The following SLC46A3 variants were observed in gnomAD, a reference collection of about 807,000 sequenced individuals.
The protein encoded by SLC46A3 is solute carrier family 46 member 3.
In SLC46A3, 26 loss-of-function variants were observed where a neutral mutation model predicts 38.5. That is an observed-to-expected ratio of 0.68 (90% CI 0.49 to 0.94). SLC46A3 has a LOEUF of 0.94. Ranked by LOEUF, SLC46A3 falls within the 40% of genes least tolerant of loss-of-function variation. SLC46A3 has a pLI of 0.00. For missense variants in SLC46A3, 510 were observed against 544.3 expected (o/e 0.94, Z 0.63); for synonymous variants, 185 against 192.5 (o/e 0.96, Z 0.32).
chr13:28,708,651 G>T (rs893180298), intron 4 of SLC46A3, among the ~76,000 whole-genome samples: 11 of 147,428 alleles, frequency 7.5e-5, no homozygotes, highest in African/African-American at 2.8e-4. Context: ...AGTAGAGACG[G>T]GGTTTCACCA....
At chr13:28,704,930 A>G (rs1394050266) in intron 4 of SLC46A3, among the ~76,000 whole-genome samples, 1 of 152,186 alleles carries the variant, frequency 6.6e-6, no homozygotes, top group Non-Finnish European at 1.5e-5. Context: ...TGAAGTCTGC[A>G]TGGTCAGTGC....
chr13:28,702,152 C>A (rs972275096), intron 5 of SLC46A3, among the ~76,000 whole-genome samples: 10 of 133,670 alleles, frequency 7.5e-5, no homozygotes, highest in African/African-American at 2.3e-4. Flanking sequence ...TTAAAAAAAT[C>A]TGTTTTTTTT....
In SLC46A3 at chr13:28,714,686, T is replaced by A. The variant is rs142439138; in HGVS notation, c.190-1136A>T. On this transcript the variant is annotated intron_variant, in intron 2 of 5. Coordinates refer to ENST00000266943, the MANE Select transcript of SLC46A3 (RefSeq NM_181785.4). Reference sequence around the variant, plus strand: ...ATTGCTTGAACCTGGGAGGCAGAGGTTGCAATGAGCTGAGATTGTGCCATT... The same window carrying A: ...ATTGCTTGAACCTGGGAGGCAGAGGATGCAATGAGCTGAGATTGTGCCATT... 8.2e-4 allele frequency among the ~76,000 whole-genome samples: 125 copies of A among 152,278 alleles called. 4 individuals carry two copies. The East Asian group carries it at 0.024, about 29-fold the overall frequency.
intron 3 of SLC46A3, 127 bp downstream of exon 3, chr13:28,712,553 C>T: frequency 2.1e-6 from 2 of 930,424 alleles, no homozygotes; most frequent in Non-Finnish European, 2.9e-6. Context: ...CTAGTTATTA[C>T]CCTTTAATTG....
chr13:28,700,777 A>G lies in SLC46A3; in HGVS notation c.*720T>C, dbSNP rs555345635. ...TTTTTCCCAATTACCCATTACATAT[A>G]GAAATATTATCATGCCTGTCACCGA... On this transcript the variant is annotated 3_prime_UTR_variant, in exon 6 of 6. Coordinates refer to ENST00000266943, the MANE Select transcript of SLC46A3 (RefSeq NM_181785.4). The G allele has an allele frequency of 1.5e-4, 79 of 537,898 alleles. No homozygotes were observed. The highest frequency in any genetic ancestry group is 1.5e-3 in the African/African-American group (77 of 52,466). The allele number at this position is 537,898 out of a possible 1,614,324, so 33.3% of individuals were successfully genotyped here.
Position 28,714,156 on chromosome 13 carries a change from A to T in SLC46A3, c.190-606T>A, listed in dbSNP as rs76617547. On this transcript the variant is annotated intron_variant, in intron 2 of 5. Transcript: ENST00000266943. ...CCAAAAAATACAAAAAAAAAAAAAA[A>T]AAACCTTTATTTAGGGAGAGCTTGG... is the stretch of plus-strand genomic sequence containing the variant. Among the ~76,000 whole-genome samples the T allele has an allele frequency of 2.0e-3, 270 of 136,438 alleles. 2 individuals are homozygous for T. The highest frequency in any genetic ancestry group is 3.8e-3 in the Middle Eastern group (1 of 262). The allele number at this position is 136,438 out of a possible 152,430, so 89.5% of individuals were successfully genotyped here.
Position 28,712,769 on chromosome 13 carries a change from T to C in SLC46A3, c.971A>G (p.Asp324Gly). 3.1e-6 allele frequency: 5 copies of C among 1,613,016 alleles called. No individual in the cohort carries two copies. Among genetic ancestry groups the C allele is most frequent in the Non-Finnish European group, 4.2e-6 (5 of 1,179,746 alleles). Residue 324 changes from aspartate to glycine, a missense_variant, in exon 3 of 6, where the codon GAT becomes GGT. Asp to Gly is a moderately conservative substitution (Grantham distance 94, BLOSUM62 -1). Transcript: ENST00000266943. ...AATCCCAATGAAGGCCATATGAATA[T>C]CTTCCATACAATAAGAAAAAAGCCA... ...GIWLFSYCMEDIHMAFIGIFT... is the reference protein window; with the variant it reads ...GIWLFSYCMEGIHMAFIGIFT...
In SLC46A3 at chr13:28,713,387, AGCCAAAC is replaced by A; in HGVS notation, c.346_352del (p.Val116SerfsTer14). ...AAAGGCAAAATAGCAAAGCAAACAG[AGCCAAAC>A]GCTGGTTGCAAGAGCACCAACGGAA... On this transcript the variant is annotated frameshift_variant, in exon 3 of 6. Transcript: ENST00000266943. LOFTEE classifies it high-confidence loss of function. 2.5e-6 allele frequency: 4 copies of A among 1,614,106 alleles called. No homozygotes were observed. Among genetic ancestry groups the A allele is most frequent in the Non-Finnish European group, 3.4e-6 (4 of 1,180,032 alleles).
At position 28,700,784 on chromosome 13, in the gene SLC46A3, T is replaced by C. The variant is rs1593182816; in HGVS notation, c.*713A>G. The C allele has an allele frequency of 1.8e-6, 1 of 545,996 alleles. No individual in the cohort carries two copies. Among genetic ancestry groups the C allele is most frequent in the East Asian group, 3.0e-5 (1 of 33,392 alleles). The allele number at this position is 545,996 out of a possible 1,614,324, so 33.8% of individuals were successfully genotyped here. A position where few individuals can be genotyped will look rare whatever the true frequency, so the allele number is the denominator to read the frequency against. On this transcript the variant is annotated 3_prime_UTR_variant, in exon 6 of 6. Transcript: ENST00000266943. ...CAATTACCCATTACATATAGAAATA[T>C]TATCATGCCTGTCACCGATGAAACA...
Position 28,700,909 on chromosome 13 carries a change from G to A in SLC46A3, c.*588C>T. 1 of 1,448,970 alleles carries A rather than the reference G, an allele frequency of 6.9e-7. No homozygotes were observed. The highest frequency in any genetic ancestry group is 9.5e-7 in the Non-Finnish European group (1 of 1,056,750). The allele number at this position is 1,448,970 out of a possible 1,614,324, so 89.8% of individuals were successfully genotyped here. A position where few individuals can be genotyped will look rare whatever the true frequency, so the allele number is the denominator to read the frequency against. On this transcript the variant is annotated 3_prime_UTR_variant, in exon 6 of 6. Transcript: ENST00000266943. ...TTGTGGAATTCATGTATAGTCTTCA[G>A]AAGTCACAGTATATAAGCTCCGACT...
In SLC46A3 at chr13:28,713,154, A is replaced by G; in HGVS notation, c.586T>C (p.Phe196Leu). The G allele has an allele frequency of 6.2e-7, 1 of 1,614,118 alleles. No homozygotes were observed. The highest frequency in any genetic ancestry group is 1.1e-5 in the South Asian group (1 of 91,068). Residue 196 changes from phenylalanine to leucine, a missense_variant, in exon 3 of 6, where the codon TTT (phenylalanine) becomes CTT (leucine). By Grantham distance (22) the Phe-to-Leu change is conservative. Coordinates refer to ENST00000266943, the MANE Select transcript of SLC46A3 (RefSeq NM_181785.4). ...GCAATAATTAGAAACGACCACTCAAAACCTAGCTCTCTAATAAAATAGCCA... is the reference window on the plus strand; with the variant it reads ...GCAATAATTAGAAACGACCACTCAAGACCTAGCTCTCTAATAAAATAGCCA... ...SSGYFIRELG[F>L]EWSFLIIAVS...
At position 28,701,289 on chromosome 13, in the gene SLC46A3, T is replaced by G; in HGVS notation, c.*208A>C. On this transcript the variant is annotated 3_prime_UTR_variant, in exon 6 of 6. Coordinates refer to ENST00000266943, the MANE Select transcript of SLC46A3 (RefSeq NM_181785.4). ...ATTTGTTCTGTGTATTGCAAGTATA[T>G]TGCATGATACGCACAAAGTGCTCAA... The G allele has an allele frequency of 7.1e-7, 1 of 1,414,772 alleles. No homozygotes were observed. Among genetic ancestry groups the G allele is most frequent in the Non-Finnish European group, 9.2e-7 (1 of 1,088,106 alleles). The allele number at this position is 1,414,772 out of a possible 1,614,324, so 87.6% of individuals were successfully genotyped here.
intron 5 of SLC46A3, among the ~76,000 whole-genome samples, chr13:28,703,026 C>T (rs1885072793): frequency 6.6e-6 from 1 of 152,080 alleles, no homozygotes; most frequent in African/African-American, 2.4e-5. Context: ...TTGGACGTTT[C>T]AGCAATCATT....
rs192451011 is a variant in SLC46A3, at chr13:28,715,372, C to T, written c.190-1822G>A. On this transcript the variant is annotated intron_variant, in intron 2 of 5. Transcript: ENST00000266943. The stretch of plus-strand genomic sequence containing the variant: ...CAGGCTGGAGGTGGGCCAACACTTG[C>T]CCCCTGTATGGTTGCAGAAGCCACC... Among the ~76,000 whole-genome samples, 82 of 152,370 alleles carry T rather than the reference C, an allele frequency of 5.4e-4. 1 individual carries two copies. Among genetic ancestry groups the T allele is most frequent in the Non-Finnish European group, 1.5e-5 (1 of 68,034 alleles).
intron 2 of SLC46A3, among the ~76,000 whole-genome samples, chr13:28,714,553 A>C (rs1044963056): frequency 6.6e-6 from 1 of 152,240 alleles, no homozygotes; most frequent in East Asian, 1.9e-4. Flanking sequence ...GTTTGAGACC[A>C]GCCTGGCCAA....
At chr13:28,701,673 C>T in intron 5 of SLC46A3, 92 bp from the exon 6 acceptor site, 3 of 1,191,244 alleles carry the variant, frequency 2.5e-6, no homozygotes, top group Non-Finnish European at 3.6e-6. Context: ...AGTTACATAG[C>T]TTTTAATAAA....
At chr13:28,716,641 C>T (rs1272801622) in intron 2 of SLC46A3, among the ~76,000 whole-genome samples, 1 of 152,040 alleles carries the variant, frequency 6.6e-6, no homozygotes, top group Non-Finnish European at 1.5e-5. Flanking sequence ...ACCTTGATGT[C>T]TTCCAGGCTG....
chr13:28,702,764 T>C (rs897882764), intron 5 of SLC46A3, among the ~76,000 whole-genome samples: 2 of 152,248 alleles, frequency 1.3e-5, no homozygotes, highest in Non-Finnish European at 2.9e-5. Context: ...GCTCCTACTA[T>C]AAGACATGAG....
rs747546388 is a variant in SLC46A3 at position 28,713,558 on chromosome 13, G to T, written c.190-8C>A. The T allele has an allele frequency of 3.1e-6, 5 of 1,596,112 alleles. No homozygotes were observed. Among genetic ancestry groups the T allele is most frequent in the Middle Eastern group, 1.7e-4 (1 of 5,728 alleles). On this transcript the variant is annotated splice_polypyrimidine_tract_variant and splice_region_variant and intron_variant, in intron 2 of 5. Coordinates refer to ENST00000266943, the MANE Select transcript of SLC46A3 (RefSeq NM_181785.4). ...CACTTTTTTCTGAACTTCCTGCAAA[G>T]AAATATAAAGAAGACAATGTGTTTA...
Sources: gnomAD v4.1 joint callset for allele counts (sites outside exome capture counted in the v4.1 genomes callset) on GRCh38, gnomAD v4.1.1 for gene constraint, MANE v1.5 for transcripts, NCBI Gene and HGNC (gene_info 2026-07-23, HGNC 2026-07-21) for gene names.